Variants in LHFPL5 observed in about 807,000 individuals in gnomAD.
LHFPL5 encodes LHFPL tetraspan subfamily member 5, also known as LHFPL tetraspan subfamily member 5 protein.
In LHFPL5, 12 loss-of-function variants were observed where a neutral mutation model predicts 18.7. The observed-to-expected ratio is 0.64, with a 90% CI of 0.41 to 1.04. The LOEUF (loss-of-function observed/expected upper bound fraction) is 1.04, where lower values mean the gene tolerates loss of function less well. Among genes scored for constraint, LHFPL5 ranks in the 50% least tolerant of loss-of-function variants. The pLI, the probability that LHFPL5 is intolerant of heterozygous loss-of-function variation, is 0.00. For synonymous variants in LHFPL5, 111 were observed against 120.2 expected, an observed-to-expected ratio of 0.92 and a Z score of 0.50; for missense variants, 259 against 292.1, an observed-to-expected ratio of 0.89 and a Z score of 0.83.
At chr6:35,812,532 G>A (rs1420269268) in intron 1 of LHFPL5, among the ~76,000 whole-genome samples, 1 of 152,132 alleles carries the variant, frequency 6.6e-6, no homozygotes, top group African/African-American at 2.4e-5. Flanking sequence ...TGGAAGAAGT[G>A]GGGGGAAAGT....
intron 2 of LHFPL5, among the ~76,000 whole-genome samples, chr6:35,815,724 C>G (rs1768747657): frequency 6.6e-6 from 1 of 152,164 alleles, no homozygotes; most frequent in Non-Finnish European, 1.5e-5. Flanking sequence ...AAGGGAAAGT[C>G]ACTCAGAAGT....
At position 35,814,831 on chromosome 6, in the gene LHFPL5, T is replaced by A. The variant is rs1395229560; in HGVS notation, c.649+49T>A. On this transcript the variant is annotated intron_variant, in intron 2 of 3. Coordinates refer to ENST00000360215, the MANE Select transcript of LHFPL5 (RefSeq NM_182548.4). This position sits in a 1 kb window ranked among gnomAD's most constrained non-coding sequence, Gnocchi z 4.2. The stretch of plus-strand genomic sequence containing the variant: ...TGTCCCCTGCCTGGAGACCCTGGGA[T>A]GTGGGTGGGGGTTCATCTTAGCCAG... 2.6e-6 allele frequency: 4 copies of A among 1,536,672 alleles called. No homozygotes were observed. Among genetic ancestry groups the A allele is most frequent in the Admixed American group, 3.3e-5 (2 of 59,880 alleles).
Position 35,823,072 on chromosome 6 carries a change from T to G in LHFPL5, c.*107T>G, listed in dbSNP as rs1219578786. ...TCCAAGTTTCCTTGTTCCTGGCTAC[T>G]ATAGGCCTGAAGCCTGAAGCCTTTT... is the stretch of plus-strand genomic sequence containing the variant. On this transcript the variant is annotated 3_prime_UTR_variant, in exon 4 of 4. Coordinates refer to ENST00000360215, the MANE Select transcript of LHFPL5 (RefSeq NM_182548.4). 2.6e-5 allele frequency: 4 copies of G among 152,174 alleles called. No homozygotes were observed. The highest frequency in any genetic ancestry group is 9.7e-5 in the African/African-American group (4 of 41,442). The allele number at this position is 152,174 out of a possible 1,614,324, so 9.4% of individuals were successfully genotyped here.
Position 35,814,407 on chromosome 6 carries a change from A to T in LHFPL5, c.413-139A>T. The T allele has an allele frequency of 1.3e-6, 1 of 788,448 alleles. No homozygotes were observed. Among genetic ancestry groups the T allele is most frequent in the South Asian group, 1.4e-5 (1 of 72,728 alleles). 48.8% of individuals were successfully genotyped at this position (788,448 alleles called of 1,614,324 possible). ...ACCTGTGTTCTGCAAGAAGGATGGT[A>T]GAGGCTGCCTCTCATGCCTCCTGAG... is the stretch of plus-strand genomic sequence containing the variant. On this transcript the variant is annotated intron_variant, in intron 1 of 3. Coordinates refer to ENST00000360215, the MANE Select transcript of LHFPL5 (RefSeq NM_182548.4). This position sits in a 1 kb window ranked among gnomAD's most constrained non-coding sequence, Gnocchi z 4.2.
chr6:35,810,655 C>CA lies in LHFPL5; in HGVS notation c.413-3884dup, dbSNP rs1045120270. 5.9e-5 allele frequency among the ~76,000 whole-genome samples: 9 copies of CA among 151,872 alleles called. No individual in the cohort carries two copies. The East Asian group carries it at 1.5e-3, about 26-fold the overall frequency. On this transcript the variant is annotated intron_variant, in intron 1 of 3. Coordinates refer to ENST00000360215, the MANE Select transcript of LHFPL5 (RefSeq NM_182548.4). ...CAGGGGATAATCCCCCCAAAAAATA[C>CA]AAAAAAATACAAAAATAAAAAATTA...
rs765451712 is a variant in LHFPL5 at position 35,806,133 on chromosome 6, C to T, written c.412+51C>T. The T allele has an allele frequency of 7.1e-5, 113 of 1,590,782 alleles. No homozygotes were observed. The East Asian group carries it at 2.6e-3, about 36-fold the overall frequency. On this transcript the variant is annotated intron_variant, in intron 1 of 3. Coordinates refer to ENST00000360215, the MANE Select transcript of LHFPL5 (RefSeq NM_182548.4). Reference sequence around the variant, plus strand: ...GCAGGGGCCCACCCCGGGGCCACAGCTGCAGCTGCACCATCCCAGCCTCTG... The same window carrying T: ...GCAGGGGCCCACCCCGGGGCCACAGTTGCAGCTGCACCATCCCAGCCTCTG...
intron 1 of LHFPL5, among the ~76,000 whole-genome samples, chr6:35,812,779 G>GCA (rs2151070365): frequency 6.6e-6 from 1 of 152,332 alleles, no homozygotes; most frequent in South Asian, 2.1e-4. Flanking sequence ...GTATGGCTGG[G>GCA]CACGGTGGCT....
intron 1 of LHFPL5, among the ~76,000 whole-genome samples, chr6:35,809,409 C>CTCT (rs1768627655): frequency 6.6e-6 from 1 of 152,146 alleles, no homozygotes; most frequent in African/African-American, 2.4e-5. Flanking sequence ...CTCTTCTAGG[C>CTCT]TCTAGACTGC....
At position 35,805,997 on chromosome 6, in the gene LHFPL5, T is replaced by G. The variant is rs760970028; in HGVS notation, c.327T>G (p.Ile109Met). 5 of 1,614,144 alleles carry G rather than the reference T, an allele frequency of 3.1e-6. No individual in the cohort carries two copies. The highest frequency in any genetic ancestry group is 1.6e-4 in the Middle Eastern group (1 of 6,084). The change falls in exon 1 of 4, where the codon ATT (isoleucine) becomes ATG (methionine). Residue 109 changes from isoleucine to methionine, a missense_variant. Physicochemically the swap from Ile to Met is conservative, Grantham distance 10. Transcript: ENST00000360215. This position sits in a 1 kb window ranked among gnomAD's most constrained non-coding sequence, Gnocchi z 4.3. ...TGGCCTTGGGCATGTTCCTCATCAT[T>G]GGCTCCATCATCTGCTTCAGCCTGT... is the stretch of plus-strand genomic sequence containing the variant. ...FFVALGMFLI[I>M]GSIICFSLFF...
intron 2 of LHFPL5, among the ~76,000 whole-genome samples, chr6:35,815,524 C>T (rs1463882016): frequency 6.6e-6 from 1 of 152,158 alleles, no homozygotes; most frequent in Non-Finnish European, 1.5e-5. Context: ...CTGTCTTGCA[C>T]CCCTGTGAAT....
At chr6:35,821,616 G>C (rs1179822000) in intron 3 of LHFPL5, among the ~76,000 whole-genome samples, 2 of 151,472 alleles carry the variant, frequency 1.3e-5, no homozygotes, top group African/African-American at 4.9e-5. Context: ...CAAGTAGCTG[G>C]GATTATAGGC....
At chr6:35,815,077 G>A (rs1768735229) in intron 2 of LHFPL5, among the ~76,000 whole-genome samples, 1 of 152,130 alleles carries the variant, frequency 6.6e-6, no homozygotes, top group African/African-American at 2.4e-5. Context: ...GTCTCCCCTA[G>A]AAGGAGGCAC....
intron 1 of LHFPL5, among the ~76,000 whole-genome samples, chr6:35,809,880 A>G (rs1488222651): frequency 6.6e-6 from 1 of 152,256 alleles, no homozygotes; most frequent in Non-Finnish European, 1.5e-5. Flanking sequence ...CATGTATACA[A>G]GCTGGGCTTG....
Position 35,823,390 on chromosome 6 carries a change from C to T in LHFPL5, c.*425C>T, listed in dbSNP as rs13204950. On this transcript the variant is annotated 3_prime_UTR_variant, in exon 4 of 4. Coordinates refer to ENST00000360215, the MANE Select transcript of LHFPL5 (RefSeq NM_182548.4). ...TAGCATACACACACACATATATATA[C>T]ACACACACACACACACACACACACA... The T allele has an allele frequency of 0.011, 67 of 6,310 alleles. 1 individual carries two copies. Among genetic ancestry groups the T allele is most frequent in the East Asian group, 0.059 (8 of 136 alleles). 0.4% of individuals were successfully genotyped at this position (6,310 alleles called of 1,614,324 possible). A position where few individuals can be genotyped will look rare whatever the true frequency, so the allele number is the denominator to read the frequency against.
In LHFPL5 at chr6:35,823,018, C is replaced by T. The variant is rs1437491356; in HGVS notation, c.*53C>T. ...CCCAGACACAGGAAAACTAGGGAAT[C>T]AAATTCTTCAGAGATAAGAACTTGT... On this transcript the variant is annotated 3_prime_UTR_variant, in exon 4 of 4. Coordinates refer to ENST00000360215, the MANE Select transcript of LHFPL5 (RefSeq NM_182548.4). 1 of 152,194 alleles carries T rather than the reference C, an allele frequency of 6.6e-6. No homozygotes were observed. Among genetic ancestry groups the T allele is most frequent in the Non-Finnish European group, 1.5e-5 (1 of 68,038 alleles). 9.4% of individuals were successfully genotyped at this position (152,194 alleles called of 1,614,324 possible). A position where few individuals can be genotyped will look rare whatever the true frequency, so the allele number is the denominator to read the frequency against.
At position 35,814,699 on chromosome 6, in the gene LHFPL5, C is replaced by G. The variant is rs753503432; in HGVS notation, c.566C>G (p.Ala189Gly). ...CTGGCCATCCTCAGCATTGGCGACG[C>G]CCTCATCCTCTCCTTCCTGGCCTTC... ...FMLAILSIGD[A>G]LILSFLAFVL... Residue 189 changes from alanine (A) to glycine (G), a missense_variant, in exon 2 of 4, where the codon GCC (alanine) becomes GGC (glycine). Physicochemically the swap from Ala to Gly is moderately conservative, Grantham distance 60. Coordinates refer to ENST00000360215, the MANE Select transcript of LHFPL5 (RefSeq NM_182548.4). This position sits in a 1 kb window ranked among gnomAD's most constrained non-coding sequence, Gnocchi z 4.2. The G allele has an allele frequency of 1.2e-6, 2 of 1,614,168 alleles. No individual in the cohort carries two copies. The highest frequency in any genetic ancestry group is 1.7e-6 in the Non-Finnish European group (2 of 1,180,032).
At position 35,814,751 on chromosome 6, in the gene LHFPL5, C is replaced by T. The variant is rs759136256; in HGVS notation, c.618C>T (p.Leu206=). Residue 206 remains leucine (L), a synonymous_variant, in exon 2 of 4, where the codon CTC becomes CTT. Transcript: ENST00000360215. This position sits in a 1 kb window ranked among gnomAD's most constrained non-coding sequence, Gnocchi z 4.2. ...TGTTGGGCTACCGGCAGGACAAGCT[C>T]CTCCCTGACGACTACAAGGCAGATG... ...AFVLGYRQDK[L]LPDDYKADGT... is the part of the protein sequence containing the mutation. 7.4e-6 allele frequency: 12 copies of T among 1,614,132 alleles called. No individual in the cohort carries two copies. In the South Asian group the frequency reaches 1.3e-4, roughly 18 times the overall value.
Position 35,805,957 on chromosome 6 carries a change from C to T in LHFPL5, c.287C>T (p.Thr96Ile). 1 of 1,614,262 alleles carries T rather than the reference C, an allele frequency of 6.2e-7. No homozygotes were observed. ...TCCATCCCCTCTAGAGCCTTCAAGA[C>T]TGCCATGTTCTTTGTGGCCTTGGGC... is the stretch of plus-strand genomic sequence containing the variant. ...FSSIPSRAFK[T>I]AMFFVALGMF... Residue 96 changes from threonine (T) to isoleucine (I), a missense_variant, in exon 1 of 4, where the codon ACT becomes ATT. Transcript: ENST00000360215. The surrounding 1 kb of genome is among the most constrained non-coding windows in gnomAD (Gnocchi z 4.3).
chr6:35,805,381 A>G lies in LHFPL5; in HGVS notation c.-290A>G. 1 of 405,956 alleles carries G rather than the reference A, an allele frequency of 2.5e-6. No individual in the cohort carries two copies. The highest frequency in any genetic ancestry group is 4.5e-6 in the Non-Finnish European group (1 of 220,144). 25.1% of individuals were successfully genotyped at this position (405,956 alleles called of 1,614,324 possible). ...GGAGCCGTGAGCCGGGAAGAGGGAG[A>G]CGGGCAGGGCGGCGCCAGCAGGCCC... On this transcript the variant is annotated 5_prime_UTR_variant, in exon 1 of 4. Transcript: ENST00000360215. The surrounding 1 kb of genome is among the most constrained non-coding windows in gnomAD (Gnocchi z 4.3).
Sources: allele counts gnomAD v4.1 joint callset (sites outside exome capture counted in the v4.1 genomes callset), GRCh38; gene constraint gnomAD v4.1.1; non-coding constraint Gnocchi (gnomAD v3.1); transcripts MANE v1.5; gene names NCBI Gene and HGNC (gene_info 2026-07-23, HGNC 2026-07-21).